CPEB2: variants seen among roughly 807,000 people sequenced by gnomAD.
The protein encoded by CPEB2 is cytoplasmic polyadenylation element binding protein 2.
In CPEB2, 56 loss-of-function variants were observed where a neutral mutation model predicts 93.6. That is an observed-to-expected ratio of 0.60 (90% confidence interval 0.48 to 0.75). The LOEUF is 0.75. Ranked by LOEUF, CPEB2 falls within the 30% of genes least tolerant of loss-of-function variation. The pLI, the probability that CPEB2 is intolerant of heterozygous loss-of-function variation, is 0.00. For synonymous variants in CPEB2, 764 were observed against 586.3 expected (o/e 1.30, Z -4.38); for missense variants, 1,579 against 1,395.1 (o/e 1.13, Z -2.10).
chr4:15,050,477 A>G (rs1268763368), intron 6 of CPEB2, among the ~76,000 whole-genome samples: 1 of 152,128 alleles, frequency 6.6e-6, no homozygotes, highest in South Asian at 2.1e-4. Flanking sequence ...CAACTTGTCC[A>G]TATTCTTACT....
chr4:15,048,586 C>G (rs1727932887), intron 6 of CPEB2, among the ~76,000 whole-genome samples: 1 of 151,412 alleles, frequency 6.6e-6, no homozygotes, highest in Non-Finnish European at 1.5e-5. Context: ...ACTTTATTTC[C>G]TTCATCGTAC....
intron 8 of CPEB2, 34 bp from the exon 9 acceptor site, chr4:15,058,387 T>G: frequency 7.9e-7 from 1 of 1,272,336 alleles, no homozygotes; most frequent in Non-Finnish European, 1.1e-6. Context: ...TCACTTGGCT[T>G]GACATATTGC....
chr4:15,055,395 G>A (rs1560251364), intron 8 of CPEB2, among the ~76,000 whole-genome samples: 3 of 152,096 alleles, frequency 2.0e-5, no homozygotes. Context: ...AGATAGAGAT[G>A]TTTATTTATT....
chr4:15,039,598 G>C (rs973477325), intron 5 of CPEB2, among the ~76,000 whole-genome samples: 1 of 151,848 alleles, frequency 6.6e-6, no homozygotes, highest in South Asian at 2.1e-4. Context: ...GTGGGGAGGA[G>C]TTCTTTTAAA....
intron 4 of CPEB2, among the ~76,000 whole-genome samples, chr4:15,018,936 T>G (rs1284901273): frequency 7.5e-6 from 1 of 133,146 alleles, no homozygotes; most frequent in Non-Finnish European, 1.6e-5. Context: ...AAGGGGAATT[T>G]TATATATATA....
chr4:15,021,844 A>G (rs1287985446), intron 4 of CPEB2, among the ~76,000 whole-genome samples: 2 of 152,116 alleles, frequency 1.3e-5, no homozygotes, highest in Non-Finnish European at 2.9e-5. Flanking sequence ...CCTATTTTTT[A>G]AGACTCCTGA....
chr4:15,040,011 A>G (rs2109047367), intron 5 of CPEB2, among the ~76,000 whole-genome samples: 1 of 152,262 alleles, frequency 6.6e-6, no homozygotes, highest in East Asian at 1.9e-4. Flanking sequence ...AGGACTTGGT[A>G]TAATGTAGAT....
chr4:15,012,935 C>T (rs1723677193), intron 3 of CPEB2, among the ~76,000 whole-genome samples: 1 of 151,724 alleles, frequency 6.6e-6, no homozygotes, highest in South Asian at 2.1e-4. Context: ...TAATGTATCC[C>T]AGCAAAAAAA....
At position 15,003,395 on chromosome 4, in the gene CPEB2, A is replaced by C; in HGVS notation, c.722A>C (p.Gln241Pro). 1 of 1,370,558 alleles carries C rather than the reference A, an allele frequency of 7.3e-7. No homozygotes were observed. The highest frequency in any genetic ancestry group is 9.3e-7 in the Non-Finnish European group (1 of 1,073,058). 84.9% of individuals were successfully genotyped at this position (1,370,558 alleles called of 1,614,324 possible). The change falls in exon 1 of 12, where the codon CAG (glutamine) becomes CCG (proline). Residue 241 changes from glutamine to proline, a missense_variant. Around this residue, in one of 2 missense-constraint regions of CPEB2, gnomAD observed 1,411 missense variants for 1,056.0 expected, o/e 1.34. Transcript: ENST00000538197. Reference protein sequence around the residue: ...QPPQQFSLLHQQHLSPQDFAP... With the variant: ...QPPQQFSLLHPQHLSPQDFAP... ...CCGCAGCAGTTCAGCCTCCTGCATC[A>C]GCAGCACCTCTCGCCGCAGGACTTC...
intron 3 of CPEB2, among the ~76,000 whole-genome samples, chr4:15,014,532 C>A (rs998882479): frequency 1.3e-5 from 2 of 151,902 alleles, no homozygotes; most frequent in Admixed American, 6.6e-5. Context: ...CATAGCAAGC[C>A]ACGTTAATCT....
chr4:15,032,936 T>C (rs899722543), intron 4 of CPEB2, among the ~76,000 whole-genome samples: 3 of 152,200 alleles, frequency 2.0e-5, no homozygotes, highest in Non-Finnish European at 2.9e-5. Flanking sequence ...CATTGTATTC[T>C]TATGATCTAG....
At position 15,003,184 on chromosome 4, in the gene CPEB2, C is replaced by G; in HGVS notation, c.511C>G (p.Gln171Glu). The G allele has an allele frequency of 6.5e-7, 1 of 1,534,368 alleles. No individual in the cohort carries two copies. The highest frequency in any genetic ancestry group is 8.7e-7 in the Non-Finnish European group (1 of 1,146,310). ...SSPQDFSKRQ[Q>E]QQLSSQKRKE... Reference sequence around the variant, plus strand: ...CCCGCAGGACTTCAGTAAGCGGCAGCAGCAGCAGCTGAGCAGCCAGAAGAG... The same window carrying G: ...CCCGCAGGACTTCAGTAAGCGGCAGGAGCAGCAGCTGAGCAGCCAGAAGAG... The change falls in exon 1 of 12, where the codon CAG becomes GAG. Residue 171 changes from glutamine (Q) to glutamate (E), a missense_variant. Around this residue, in one of 2 missense-constraint regions of CPEB2, gnomAD observed 1,411 missense variants for 1,056.0 expected, o/e 1.34. Transcript: ENST00000538197.
At chr4:15,055,166 T>C (rs889607183) in intron 8 of CPEB2, among the ~76,000 whole-genome samples, 3 of 152,188 alleles carry the variant, frequency 2.0e-5, no homozygotes, top group African/African-American at 7.2e-5. Flanking sequence ...CCTTCACTAA[T>C]AGTTCACATA....
chr4:15,012,018 A>G (rs971328045), intron 3 of CPEB2, among the ~76,000 whole-genome samples: 1 of 152,238 alleles, frequency 6.6e-6, no homozygotes, highest in Admixed American at 6.5e-5. Context: ...TCTGTCTCAG[A>G]AAAAATATTA....
At chr4:15,024,661 A>T (rs1196955155) in intron 4 of CPEB2, among the ~76,000 whole-genome samples, 5 of 151,814 alleles carry the variant, frequency 3.3e-5, no homozygotes, top group Admixed American at 1.3e-4. Flanking sequence ...TTAATTTATT[A>T]AGCTGTACCT....
intron 3 of CPEB2, among the ~76,000 whole-genome samples, chr4:15,013,480 C>T (rs1420637174): frequency 6.6e-6 from 1 of 151,928 alleles, no homozygotes; most frequent in African/African-American, 2.4e-5. Context: ...TTCATGGTAA[C>T]TTGAAAATTG....
chr4:15,026,031 C>CT (rs1489338929), intron 4 of CPEB2, among the ~76,000 whole-genome samples: 1 of 152,092 alleles, frequency 6.6e-6, no homozygotes, highest in Non-Finnish European at 1.5e-5. Flanking sequence ...CGGAAAGCAA[C>CT]AGAGGTGAAC....
intron 4 of CPEB2, among the ~76,000 whole-genome samples, chr4:15,022,909 TG>T (rs1724967553): frequency 6.6e-6 from 1 of 152,090 alleles, no homozygotes. Context: ...TATGACATCA[TG>T]GATGGAGATA....
intron 1 of CPEB2, among the ~76,000 whole-genome samples, chr4:15,005,946 A>T (rs1439432753): frequency 6.6e-6 from 1 of 152,200 alleles, no homozygotes; most frequent in African/African-American, 2.4e-5. Context: ...ATTTACTTAA[A>T]GTTGTGGTAC....
Sources: gnomAD v4.1 joint callset for allele counts (sites outside exome capture counted in the v4.1 genomes callset) on GRCh38, gnomAD v4.1.1 for gene constraint, gnomAD v4.1.1 regional missense constraint, MANE v1.5 for transcripts, NCBI Gene and HGNC (gene_info 2026-07-23, HGNC 2026-07-21) for gene names.